Variants in PCDH11X observed in about 807,000 individuals in gnomAD.
PCDH11X encodes the protein protocadherin-11 X-linked.
Under a neutral mutation model 53.3 loss-of-function variants are expected in PCDH11X, and 18 were observed. The observed-to-expected ratio is 0.34, with a 90% CI of 0.23 to 0.50. The LOEUF (loss-of-function observed/expected upper bound fraction) is 0.50, where lower values mean the gene tolerates loss of function less well. Ranked by LOEUF, PCDH11X falls within the 20% of genes least tolerant of loss-of-function variation. PCDH11X has a pLI of 0.98. For synonymous variants in PCDH11X, 279 were observed against 393.3 expected, an observed-to-expected ratio of 0.71 and a Z score of 3.44; for missense variants, 570 against 1,032.4, an observed-to-expected ratio of 0.55 and a Z score of 6.14.
At position 92,067,067 on chromosome X, in the gene PCDH11X, G is replaced by A. The variant is rs181645081; in HGVS notation, c.3034-134308G>A. 2.7e-3 allele frequency among the ~76,000 whole-genome samples: 307 copies of A among 112,119 alleles called. 1 individual carries two copies. Among genetic ancestry groups the A allele is most frequent in the African/African-American group, 9.8e-3 (301 of 30,817 alleles). ...TGCAGTGAGCCAGGCTCTTGCCACT[G>A]CACTCTAGCCTGGGTGACAGAGTGA... is the stretch of plus-strand genomic sequence containing the variant. On this transcript the variant is annotated intron_variant, in intron 6 of 10. Coordinates refer to ENST00000682573, the MANE Select transcript of PCDH11X (RefSeq NM_032968.5).
chrX:92,034,214 C>A, intron 6 of PCDH11X, among the ~76,000 whole-genome samples: 1 of 111,260 alleles, frequency 9.0e-6, no homozygotes, highest in East Asian at 2.8e-4. Flanking sequence ...GAAAAGAATG[C>A]GTATTATGCA....
At chrX:92,559,696 C>T (rs1002655868) in intron 10 of PCDH11X, among the ~76,000 whole-genome samples, 1 of 110,374 alleles carries the variant, frequency 9.1e-6, no homozygotes, top group Non-Finnish European at 1.9e-5. Flanking sequence ...TAGTCCTGCC[C>T]TGTCATAGTG....
intron 6 of PCDH11X, chrX:91,882,762 G>C: frequency 1.1e-6 from 1 of 877,371 alleles, no homozygotes; most frequent in South Asian, 2.3e-5. Context: ...AATAGGATTG[G>C]TATTCACTAT....
At chrX:92,078,523 G>A (rs2063809373) in intron 6 of PCDH11X, among the ~76,000 whole-genome samples, 1 of 111,123 alleles carries the variant, frequency 9.0e-6, no homozygotes, top group African/African-American at 3.3e-5. Context: ...TGATTCTTAG[G>A]ATTTTTGGCA....
At chrX:92,543,234 T>G (rs1303225773) in intron 10 of PCDH11X, among the ~76,000 whole-genome samples, 1 of 100,222 alleles carries the variant, frequency 1.0e-5, no homozygotes, top group Non-Finnish European at 2.0e-5. Flanking sequence ...AATAACTTTT[T>G]AAACTTTATT....
chrX:92,286,536 A>T (rs977465408), intron 8 of PCDH11X, among the ~76,000 whole-genome samples: 2 of 106,004 alleles, frequency 1.9e-5, no homozygotes, highest in African/African-American at 6.9e-5. Flanking sequence ...ACAAAAGGAA[A>T]ATCAAATAAA....
chrX:92,434,742 A>T (rs1226771604), intron 9 of PCDH11X, among the ~76,000 whole-genome samples: 2 of 108,695 alleles, frequency 1.8e-5, no homozygotes, highest in Admixed American at 9.9e-5. Context: ...TGCCCCTGAA[A>T]AAGACATACC....
intron 6 of PCDH11X, among the ~76,000 whole-genome samples, chrX:91,989,939 C>G (rs888825784): frequency 1.8e-5 from 2 of 110,957 alleles, no homozygotes; most frequent in Admixed American, 9.6e-5. Flanking sequence ...TAATCCTACA[C>G]AAACTTCAGG....
At chrX:91,993,484 T>G in intron 6 of PCDH11X, among the ~76,000 whole-genome samples, 1 of 112,229 alleles carries the variant, frequency 8.9e-6, no homozygotes, top group East Asian at 2.8e-4. Context: ...ATCACTGTTT[T>G]GAATCATCCT....
chrX:92,060,092 A>T (rs1167088967), intron 6 of PCDH11X, among the ~76,000 whole-genome samples: 1 of 110,408 alleles, frequency 9.1e-6, no homozygotes, highest in Non-Finnish European at 1.9e-5. Context: ...AAAAACAGGG[A>T]TTAGCTAATT....
chrX:92,426,548 A>T (rs2072120695), intron 9 of PCDH11X, among the ~76,000 whole-genome samples: 1 of 108,596 alleles, frequency 9.2e-6, no homozygotes, highest in East Asian at 2.9e-4. Flanking sequence ...CATTTAGATG[A>T]CAAAAACAAA....
chrX:91,828,286 A>C (rs1936989628), intron 4 of PCDH11X, among the ~76,000 whole-genome samples: 1 of 108,964 alleles, frequency 9.2e-6, no homozygotes, highest in Admixed American at 9.9e-5. Context: ...CGCCCGGCTA[A>C]TTTTTTGTAT....
chrX:92,618,125 A>G (rs1226638079), intron 10 of PCDH11X, 139 bp from the exon 11 acceptor site: 2 of 810,554 alleles, frequency 2.5e-6, no homozygotes, highest in African/African-American at 2.1e-5. Context: ...AATTAAAAAT[A>G]CCAACTCTAT....
intron 6 of PCDH11X, among the ~76,000 whole-genome samples, chrX:91,940,389 T>G (rs781232426): frequency 1.1e-3 from 124 of 111,866 alleles, no homozygotes; most frequent in African/African-American, 3.8e-3. Flanking sequence ...TATAAAACAT[T>G]AATGACAATA....
At chrX:92,579,705 A>G (rs950546103) in intron 10 of PCDH11X, among the ~76,000 whole-genome samples, 2 of 111,639 alleles carry the variant, frequency 1.8e-5, no homozygotes, top group African/African-American at 6.5e-5. Context: ...TTAGCTCAGC[A>G]AATTTCATTA....
At chrX:92,407,317 T>C (rs984778662) in intron 9 of PCDH11X, among the ~76,000 whole-genome samples, 7 of 111,474 alleles carry the variant, frequency 6.3e-5, no homozygotes, top group African/African-American at 2.3e-4. Flanking sequence ...ACATGCTTTC[T>C]GTTGCTCATG....
chrX:92,114,385 T>C, intron 6 of PCDH11X: 2 of 1,123,734 alleles, frequency 1.8e-6, no homozygotes, highest in South Asian at 3.6e-5. Context: ...CTCATTCCAG[T>C]TACTCTCGAT....
intron 7 of PCDH11X, among the ~76,000 whole-genome samples, chrX:92,252,839 G>A (rs975587787): frequency 9.1e-6 from 1 of 110,150 alleles, no homozygotes; most frequent in African/African-American, 3.3e-5. Context: ...TTCCACTTTC[G>A]GTTACCTTCA....
chrX:91,870,734 AGTGTTTTCTTACCCAAAGGGAGATG>A (rs1939243256), intron 5 of PCDH11X, among the ~76,000 whole-genome samples: 2 of 110,503 alleles, frequency 1.8e-5, no homozygotes, highest in Non-Finnish European at 3.8e-5. Flanking sequence ...TAAGAGACAT[AGTGTTTTCTTACCCAAAGGGAGATG>A]GTGTTTTCTT....
Sources: allele counts gnomAD v4.1 joint callset (sites outside exome capture counted in the v4.1 genomes callset), GRCh38; gene constraint gnomAD v4.1.1; transcripts MANE v1.5; gene names NCBI Gene and HGNC (gene_info 2026-07-23, HGNC 2026-07-21).